Variants in ZFAND4 observed in about 807,000 individuals in gnomAD.
The protein encoded by ZFAND4 is AN1-type zinc finger protein 4.
ZFAND4 carries 43 observed loss-of-function variants against 64.4 expected under a neutral mutation model. The ratio of observed to expected loss-of-function variants is 0.67; its 90% CI spans 0.52 to 0.86. ZFAND4 has a LOEUF of 0.86. Among genes scored for constraint, ZFAND4 ranks in the 40% least tolerant of loss-of-function variants. The pLI is 0.00. For synonymous variants in ZFAND4, 296 were observed against 305.7 expected, an observed-to-expected ratio of 0.97 and a Z score of 0.33; for missense variants, 929 against 859.8, an observed-to-expected ratio of 1.08 and a Z score of -1.01.
chr10:45,663,440 A>G (rs1226182722), intron 2 of ZFAND4, 102 bp downstream of exon 2: 11 of 854,786 alleles, frequency 1.3e-5, no homozygotes, highest in Non-Finnish European at 1.8e-5. Flanking sequence ...CTAACATCAT[A>G]TATGTTTGAA....
rs1253992227 is a variant in ZFAND4, at chr10:45,651,988, GCCA to G, written c.303_305del (p.Gly103del). On this transcript the variant is annotated inframe_deletion, in exon 4 of 10. Coordinates refer to ENST00000344646, the MANE Select transcript of ZFAND4 (RefSeq NM_174890.4). The stretch of plus-strand genomic sequence containing the variant: ...TACCTCTTCTAGTATTTATAGGTCC[GCCA>G]CGCATAGCCAAAACTAGCTTCAAGG... 6.2e-7 allele frequency: 1 copy of G among 1,613,554 alleles called. No homozygotes were observed. The highest frequency in any genetic ancestry group is 2.2e-5 in the East Asian group (1 of 44,840).
chr10:45,662,732 A>G, intron 2 of ZFAND4: 1 of 923,550 alleles, frequency 1.1e-6, no homozygotes, highest in Non-Finnish European at 1.3e-6. Context: ...TGGCCTCACA[A>G]AAATGAAAAA....
chr10:45,642,144 T>C (rs747362198), intron 5 of ZFAND4, among the ~76,000 whole-genome samples: 28 of 152,200 alleles, frequency 1.8e-4, no homozygotes, highest in Non-Finnish European at 3.7e-4. Context: ...TCAGTTACCT[T>C]GCAATATTTT....
chr10:45,651,124 T>A (rs2047728665), intron 4 of ZFAND4: 2 of 153,054 alleles, frequency 1.3e-5, no homozygotes, highest in Non-Finnish European at 2.9e-5. Flanking sequence ...ATCAAATAAA[T>A]CTGAAGGACT....
intron 1 of ZFAND4, among the ~76,000 whole-genome samples, chr10:45,664,777 A>C (rs2048702077): frequency 6.6e-6 from 1 of 151,898 alleles, no homozygotes; most frequent in Admixed American, 6.6e-5. Context: ...AATACAAGAA[A>C]AAAATGAGCT....
chr10:45,621,505 G>A (rs974336229), intron 8 of ZFAND4, among the ~76,000 whole-genome samples: 6 of 151,664 alleles, frequency 4.0e-5, no homozygotes, highest in Admixed American at 3.9e-4. Flanking sequence ...CACTTTGGGA[G>A]GCTGAGGTGG....
At chr10:45,657,172 C>A (rs756651699) in intron 2 of ZFAND4, among the ~76,000 whole-genome samples, 1 of 152,026 alleles carries the variant, frequency 6.6e-6, no homozygotes, top group Non-Finnish European at 1.5e-5. Flanking sequence ...TGCCACCACG[C>A]CCAGAAAAAA....
At chr10:45,663,452 T>C (rs2048608125) in intron 2 of ZFAND4, 90 bp downstream of exon 2, 3 of 970,450 alleles carry the variant, frequency 3.1e-6, no homozygotes, top group South Asian at 1.8e-5. Flanking sequence ...ATGTTTGAAA[T>C]TGTCTCCATT....
intron 8 of ZFAND4, 128 bp from the exon 9 acceptor site, chr10:45,618,388 T>A (rs1246781090): frequency 8.7e-7 from 1 of 1,154,242 alleles, no homozygotes; most frequent in African/African-American, 1.6e-5. Flanking sequence ...ATTTGTGCTA[T>A]TTTTATATCT....
Position 45,652,648 on chromosome 10 carries a change from A to C in ZFAND4, c.260+336T>G, listed in dbSNP as rs562826511. Among the ~76,000 whole-genome samples, 89 of 152,318 alleles carry C rather than the reference A, an allele frequency of 5.8e-4. 2 individuals carry two copies. In the South Asian group the frequency reaches 0.018, roughly 31 times the overall value. ...TCTCTTATCCAAAACTCTTGTAAAA[A>C]CAGAAAGAAAGGAACATAGCCAGGA... On this transcript the variant is annotated intron_variant, in intron 3 of 9. Transcript: ENST00000344646.
intron 2 of ZFAND4, chr10:45,662,526 T>C (rs2048547876): frequency 1.3e-5 from 12 of 909,828 alleles, no homozygotes; most frequent in Non-Finnish European, 1.6e-5. Context: ...AACTATGATA[T>C]AAATTGCAAA....
intron 2 of ZFAND4, among the ~76,000 whole-genome samples, chr10:45,661,940 AG>A (rs1343093788): frequency 1.4e-5 from 2 of 146,914 alleles, no homozygotes; most frequent in Non-Finnish European, 3.0e-5. Context: ...TCCGTCTCGA[AG>A]AAAAAAAAAA....
chr10:45,668,527 T>C (rs1292748029), intron 1 of ZFAND4, among the ~76,000 whole-genome samples: 2 of 152,198 alleles, frequency 1.3e-5, no homozygotes, highest in African/African-American at 4.8e-5. Context: ...AATTCACACA[T>C]AACAATATTA....
At chr10:45,636,970 T>C (rs906421180) in intron 6 of ZFAND4, among the ~76,000 whole-genome samples, 1 of 151,990 alleles carries the variant, frequency 6.6e-6, no homozygotes, top group Non-Finnish European at 1.5e-5. Flanking sequence ...AGGATGTTTT[T>C]TCTTAATAGA....
At chr10:45,640,724 T>C (rs1393476375) in intron 5 of ZFAND4, among the ~76,000 whole-genome samples, 1 of 152,162 alleles carries the variant, frequency 6.6e-6, no homozygotes, top group Non-Finnish European at 1.5e-5. Context: ...TCTCCTGACC[T>C]CGTGATCCGC....
intron 3 of ZFAND4, 30 bp from the exon 4 acceptor site, chr10:45,652,063 T>C (rs1474907106): frequency 9.3e-6 from 15 of 1,609,306 alleles, no homozygotes; most frequent in Non-Finnish European, 1.2e-5. Flanking sequence ...AAATAAATCA[T>C]AATCATCAAA....
intron 2 of ZFAND4, among the ~76,000 whole-genome samples, chr10:45,655,030 C>A (rs1008369119): frequency 1.3e-5 from 2 of 152,122 alleles, no homozygotes; most frequent in Admixed American, 6.5e-5. Context: ...GAACATTCAA[C>A]CGAAGAACTG....
chr10:45,658,987 C>A (rs1354412159), intron 2 of ZFAND4, among the ~76,000 whole-genome samples: 1 of 152,136 alleles, frequency 6.6e-6, no homozygotes. Context: ...TTGAGATAGG[C>A]AAACCCAGAG....
intron 1 of ZFAND4, among the ~76,000 whole-genome samples, chr10:45,666,957 T>C (rs894733783): frequency 2.5e-4 from 38 of 152,226 alleles, no homozygotes; most frequent in African/African-American, 7.5e-4. Flanking sequence ...TCTTTTTAGA[T>C]TGTTGGCTAT....
Sources: allele counts gnomAD v4.1 joint callset (sites outside exome capture counted in the v4.1 genomes callset), GRCh38; gene constraint gnomAD v4.1.1; transcripts MANE v1.5; gene names NCBI Gene and HGNC (gene_info 2026-07-23, HGNC 2026-07-21).